Variants in UHRF2 observed in about 807,000 individuals in gnomAD.
UHRF2 encodes E3 ubiquitin-protein ligase UHRF2.
In UHRF2, 23 loss-of-function variants were observed where a neutral mutation model predicts 96.8. That is an observed-to-expected ratio of 0.24 (90% confidence interval 0.17 to 0.34). The LOEUF is 0.34. Among genes scored for constraint, UHRF2 ranks in the 10% least tolerant of loss-of-function variants. The pLI, the probability that UHRF2 is intolerant of heterozygous loss-of-function variation, is 1.00. For missense variants in UHRF2, 685 were observed against 981.5 expected, an observed-to-expected ratio of 0.70 and a Z score of 4.04; for synonymous variants, 385 against 332.6, an observed-to-expected ratio of 1.16 and a Z score of -1.72.
chr9:6,476,655 C>T (rs769808981), intron 5 of UHRF2, among the ~76,000 whole-genome samples: 7 of 151,998 alleles, frequency 4.6e-5, no homozygotes, highest in Non-Finnish European at 8.8e-5. Context: ...AGTGCAGTGG[C>T]GCAATCTCGG....
intron 6 of UHRF2, among the ~76,000 whole-genome samples, chr9:6,480,873 G>A (rs1193397160): frequency 6.6e-6 from 1 of 152,132 alleles, no homozygotes; most frequent in Non-Finnish European, 1.5e-5. Context: ...GGATTGACTT[G>A]TGGGCATAGT....
chr9:6,486,656 T>C (rs906027115), intron 8 of UHRF2, among the ~76,000 whole-genome samples, 165 bp from the exon 9 acceptor site: 3 of 152,068 alleles, frequency 2.0e-5, no homozygotes, highest in Non-Finnish European at 2.9e-5. Context: ...GACTCACTTC[T>C]TGGATCTTTA....
intron 2 of UHRF2, among the ~76,000 whole-genome samples, chr9:6,426,954 G>A (rs1308116272): frequency 7.0e-6 from 1 of 143,088 alleles, no homozygotes; most frequent in African/African-American, 2.5e-5. Context: ...TCACCATGTT[G>A]GCTAGGCTGG....
At chr9:6,496,105 T>C (rs1164833735) in intron 10 of UHRF2, 1 of 152,174 alleles carries the variant, frequency 6.6e-6, no homozygotes, top group East Asian at 1.9e-4. Flanking sequence ...AAAATATAAT[T>C]ATGGTCAAGA....
chr9:6,485,486 G>T (rs1314674237), intron 8 of UHRF2, among the ~76,000 whole-genome samples: 2 of 151,854 alleles, frequency 1.3e-5, no homozygotes, highest in East Asian at 3.9e-4. Flanking sequence ...TTTGGCCAGG[G>T]TTGATGAGGT....
At chr9:6,471,418 T>G (rs1563784648) in intron 4 of UHRF2, among the ~76,000 whole-genome samples, 1 of 152,252 alleles carries the variant, frequency 6.6e-6, no homozygotes, top group Non-Finnish European at 1.5e-5. Context: ...CATGTGGTTT[T>G]CAGCCATACT....
chr9:6,502,292 C>G (rs1816331542), intron 14 of UHRF2, among the ~76,000 whole-genome samples: 1 of 152,176 alleles, frequency 6.6e-6, no homozygotes, highest in African/African-American at 2.4e-5. Context: ...TTTAAACATG[C>G]TCGACGTCTT....
intron 3 of UHRF2, among the ~76,000 whole-genome samples, chr9:6,445,279 T>G (rs143763700): frequency 1.3e-5 from 2 of 152,288 alleles, no homozygotes; most frequent in African/African-American, 2.4e-5. Flanking sequence ...ATTGATTGAT[T>G]GATTGATGGA....
intron 6 of UHRF2, among the ~76,000 whole-genome samples, chr9:6,479,657 A>G (rs1823806740): frequency 6.6e-6 from 1 of 152,166 alleles, no homozygotes; most frequent in African/African-American, 2.4e-5. Context: ...TGGGACCACA[A>G]AATTAGTCCA....
At chr9:6,477,078 C>G (rs1823617947) in intron 5 of UHRF2, among the ~76,000 whole-genome samples, 1 of 151,914 alleles carries the variant, frequency 6.6e-6, no homozygotes, top group Non-Finnish European at 1.5e-5. Flanking sequence ...ACTAAAAATA[C>G]AAAAATTAGC....
At chr9:6,425,674 T>A (rs941718234) in intron 2 of UHRF2, among the ~76,000 whole-genome samples, 5 of 151,198 alleles carry the variant, frequency 3.3e-5, no homozygotes, top group African/African-American at 1.2e-4. Flanking sequence ...GAGGCAGGAG[T>A]ATCACTTGAA....
intron 3 of UHRF2, among the ~76,000 whole-genome samples, chr9:6,456,874 T>TA (rs1257797951): frequency 6.6e-6 from 1 of 152,168 alleles, no homozygotes; most frequent in African/African-American, 2.4e-5. Context: ...AGACCTCTGT[T>TA]CAGTTCCATT....
intron 4 of UHRF2, among the ~76,000 whole-genome samples, chr9:6,462,112 G>A (rs995663112): frequency 9.2e-5 from 14 of 152,192 alleles, no homozygotes; most frequent in Admixed American, 8.5e-4. Context: ...TCTAAAGCGA[G>A]GATAGGCAAG....
At chr9:6,476,835 C>T (rs966723089) in intron 5 of UHRF2, among the ~76,000 whole-genome samples, 2 of 152,062 alleles carry the variant, frequency 1.3e-5, no homozygotes, top group East Asian at 1.9e-4. Flanking sequence ...GCTCGTGATC[C>T]GCCCAACCCA....
intron 6 of UHRF2, among the ~76,000 whole-genome samples, chr9:6,481,437 C>T (rs188510238): frequency 6.6e-6 from 1 of 152,250 alleles, no homozygotes; most frequent in South Asian, 2.1e-4. Flanking sequence ...TATAAGTTAT[C>T]TAAAGGAATG....
chr9:6,413,422 G>T lies in UHRF2; in HGVS notation c.-69G>T. The T allele has an allele frequency of 3.8e-6, 5 of 1,303,590 alleles. No homozygotes were observed. Among genetic ancestry groups the T allele is most frequent in the East Asian group, 2.9e-5 (1 of 34,018 alleles). 80.8% of individuals were successfully genotyped at this position (1,303,590 alleles called of 1,614,324 possible). ...CCGAGCCGCAGGGAAAGCGGCGCGG[G>T]CCGGGCGGGGCGCGGCGCCCAGAGC... On this transcript the variant is annotated 5_prime_UTR_variant, in exon 1 of 16. Transcript: ENST00000276893.
At position 6,500,485 on chromosome 9, in the gene UHRF2, C is replaced by A. The variant is rs919765257; in HGVS notation, c.2006-67C>A. On this transcript the variant is annotated intron_variant, in intron 13 of 15. Transcript: ENST00000276893. ...TAAACATTACTTGTGCCAGTTAACTCTTTTGTTTCATAGTTCTGCTTAGAA... is the reference window on the plus strand; with the variant it reads ...TAAACATTACTTGTGCCAGTTAACTATTTTGTTTCATAGTTCTGCTTAGAA... 34 of 1,392,536 alleles carry A rather than the reference C, an allele frequency of 2.4e-5. 1 individual carries two copies. The highest frequency in any genetic ancestry group is 3.2e-5 in the Non-Finnish European group (33 of 1,032,754). 86.3% of individuals were successfully genotyped at this position (1,392,536 alleles called of 1,614,324 possible). A position where few individuals can be genotyped will look rare whatever the true frequency, so the allele number is the denominator to read the frequency against.
At chr9:6,499,785 T>C in intron 12 of UHRF2, 50 bp from the exon 13 acceptor site, 2 of 1,268,168 alleles carry the variant, frequency 1.6e-6, no homozygotes, top group South Asian at 1.5e-5. Flanking sequence ...ACCCCCCTTC[T>C]CTGTGAAGCT....
intron 3 of UHRF2, among the ~76,000 whole-genome samples, chr9:6,442,516 T>G (rs569986412): frequency 1.3e-5 from 2 of 152,162 alleles, no homozygotes; most frequent in South Asian, 4.1e-4. Flanking sequence ...TCTTGTTCCA[T>G]CACCCTGATT....
Sources: gnomAD v4.1 joint callset for allele counts (sites outside exome capture counted in the v4.1 genomes callset) on GRCh38, gnomAD v4.1.1 for gene constraint, MANE v1.5 for transcripts, NCBI Gene and HGNC (gene_info 2026-07-23, HGNC 2026-07-21) for gene names.